ZMAT4: variants seen among roughly 807,000 people sequenced by gnomAD.
ZMAT4 encodes zinc finger matrin-type 4, also known as zinc finger matrin-type protein 4.
Under a neutral mutation model 28.7 loss-of-function variants are expected in ZMAT4, and 17 were observed. The ratio of observed to expected loss-of-function variants is 0.59; its 90% CI spans 0.41 to 0.89. The LOEUF (loss-of-function observed/expected upper bound fraction) is 0.89, where lower values mean the gene tolerates loss of function less well. Ranked by LOEUF, ZMAT4 falls within the 40% of genes least tolerant of loss-of-function variation. The probability of loss-of-function intolerance (pLI) is 0.00; values close to 1 mark genes in which losing one functional copy is unlikely to be tolerated. For missense variants in ZMAT4, 240 were observed against 283.8 expected (o/e 0.85, Z 1.11); for synonymous variants, 117 against 109.2 (o/e 1.07, Z -0.44).
intron 2 of ZMAT4, among the ~76,000 whole-genome samples, chr8:40,774,091 G>A (rs1586030169): frequency 6.6e-6 from 1 of 152,036 alleles, no homozygotes; most frequent in African/African-American, 2.4e-5. Context: ...TTTGAAATAC[G>A]TATGTGTAAG....
chr8:40,741,553 A>T (rs992013965), intron 3 of ZMAT4, among the ~76,000 whole-genome samples: 4 of 152,196 alleles, frequency 2.6e-5, no homozygotes, highest in African/African-American at 4.8e-5. Flanking sequence ...TATAAAGATT[A>T]AAAAGATTGG....
chr8:40,729,560 A>G (rs1811445330), intron 3 of ZMAT4, among the ~76,000 whole-genome samples: 1 of 151,694 alleles, frequency 6.6e-6, no homozygotes, highest in Non-Finnish European at 1.5e-5. Context: ...TAGTTAATGC[A>G]TATTAGTGCT....
At chr8:40,648,899 T>C (rs1274649588) in intron 5 of ZMAT4, among the ~76,000 whole-genome samples, 1 of 143,400 alleles carries the variant, frequency 7.0e-6, no homozygotes, top group Non-Finnish European at 1.5e-5. Context: ...CCACCAGGCC[T>C]GCCCTAAAAC....
chr8:40,714,109 A>G (rs570455880), intron 3 of ZMAT4, among the ~76,000 whole-genome samples: 1 of 152,244 alleles, frequency 6.6e-6, no homozygotes, highest in East Asian at 1.9e-4. Flanking sequence ...TCTTATTGTC[A>G]AAGGTGCAAA....
chr8:40,603,693 A>G (rs1230488662), intron 5 of ZMAT4, among the ~76,000 whole-genome samples: 2 of 152,060 alleles, frequency 1.3e-5, no homozygotes, highest in African/African-American at 2.4e-5. Context: ...CAGTGGTGCA[A>G]TCTTGGCTCA....
At chr8:40,865,834 G>A (rs550946104) in intron 1 of ZMAT4, among the ~76,000 whole-genome samples, 35 of 152,188 alleles carry the variant, frequency 2.3e-4, no homozygotes, top group South Asian at 1.2e-3. Context: ...TCTTCCCCCC[G>A]CCATTTGCTA....
intron 5 of ZMAT4, among the ~76,000 whole-genome samples, chr8:40,599,581 T>G (rs1380187675): frequency 1.3e-5 from 2 of 152,218 alleles, no homozygotes; most frequent in African/African-American, 4.8e-5. Flanking sequence ...GAGGAACACA[T>G]TACCTGATGA....
chr8:40,884,688 C>G (rs929567311), intron 1 of ZMAT4: 1 of 152,348 alleles, frequency 6.6e-6, no homozygotes, highest in Admixed American at 6.5e-5. Context: ...CTGAAGCAAC[C>G]TCCTCTCCTG....
At chr8:40,892,879 C>T (rs1158284385) in intron 1 of ZMAT4, among the ~76,000 whole-genome samples, 1 of 152,224 alleles carries the variant, frequency 6.6e-6, no homozygotes, top group Non-Finnish European at 1.5e-5. Flanking sequence ...CAGATGCCTG[C>T]ACTCCATGGC....
At chr8:40,867,532 C>T (rs1197564605) in intron 1 of ZMAT4, among the ~76,000 whole-genome samples, 3 of 152,192 alleles carry the variant, frequency 2.0e-5, no homozygotes, top group Admixed American at 1.3e-4. Context: ...TCTGCCTCTT[C>T]GTCCAAACCA....
At chr8:40,856,050 C>G (rs188179151) in intron 1 of ZMAT4, among the ~76,000 whole-genome samples, 190 of 152,158 alleles carry the variant, frequency 1.2e-3, no homozygotes, top group African/African-American at 4.5e-3. Context: ...AGACCCTCCC[C>G]CCGGTAGGGA....
chr8:40,794,852 T>C (rs991557684), intron 2 of ZMAT4, among the ~76,000 whole-genome samples: 1 of 151,914 alleles, frequency 6.6e-6, no homozygotes, highest in Admixed American at 6.6e-5. Flanking sequence ...AATGATTGCG[T>C]TCATGTGAAG....
At chr8:40,545,925 C>T (rs989641231) in intron 6 of ZMAT4, among the ~76,000 whole-genome samples, 10 of 146,726 alleles carry the variant, frequency 6.8e-5, no homozygotes, top group Non-Finnish European at 4.4e-5. Flanking sequence ...CTCTGAAATG[C>T]TGACCCCCTC....
chr8:40,838,380 T>C (rs1220523634), intron 1 of ZMAT4, among the ~76,000 whole-genome samples: 3 of 152,154 alleles, frequency 2.0e-5, no homozygotes, highest in Non-Finnish European at 4.4e-5. Flanking sequence ...TCTTGCTCTC[T>C]TACCCAGCCT....
intron 2 of ZMAT4, among the ~76,000 whole-genome samples, chr8:40,774,179 C>T (rs1381726828): frequency 6.6e-6 from 1 of 151,996 alleles, no homozygotes; most frequent in Non-Finnish European, 1.5e-5. Context: ...TCAGAAGTGT[C>T]CTCACAAATT....
intron 3 of ZMAT4, among the ~76,000 whole-genome samples, chr8:40,758,032 A>G (rs894958954): frequency 6.6e-6 from 1 of 152,100 alleles, no homozygotes; most frequent in African/African-American, 2.4e-5. Context: ...TGGACCTTCG[A>G]CCACAGACTG....
chr8:40,554,621 C>T (rs1036384394), intron 6 of ZMAT4, among the ~76,000 whole-genome samples: 4 of 151,956 alleles, frequency 2.6e-5, no homozygotes, highest in South Asian at 2.1e-4. Context: ...TTAAAATATC[C>T]GTATTGGTCT....
intron 5 of ZMAT4, among the ~76,000 whole-genome samples, chr8:40,663,021 ACAAGTATT>A (rs1808266385): frequency 6.6e-6 from 1 of 152,082 alleles, no homozygotes; most frequent in Non-Finnish European, 1.5e-5. Flanking sequence ...TCCTCTACTG[ACAAGTATT>A]CATCTCTCTA....
intron 2 of ZMAT4, among the ~76,000 whole-genome samples, chr8:40,785,866 C>G (rs1272256931): frequency 6.6e-6 from 1 of 152,108 alleles, no homozygotes; most frequent in Non-Finnish European, 1.5e-5. Context: ...AAGCCTGGCC[C>G]ACTTTTTTTT....
Sources: gnomAD v4.1 joint callset for allele counts (sites outside exome capture counted in the v4.1 genomes callset) on GRCh38, gnomAD v4.1.1 for gene constraint, MANE v1.5 for transcripts, NCBI Gene and HGNC (gene_info 2026-07-23, HGNC 2026-07-21) for gene names.